Variants in MAGI2 observed in about 807,000 individuals in gnomAD.
MAGI2 encodes the protein membrane associated guanylate kinase, WW and PDZ domain containing 2.
A neutral mutation model predicts 133.3 loss-of-function variants in MAGI2; 35 were observed. The ratio of observed to expected loss-of-function variants is 0.26; its 90% confidence interval spans 0.20 to 0.35. MAGI2 has a LOEUF of 0.35. Among genes scored for constraint, MAGI2 ranks in the 10% least tolerant of loss-of-function variants. The probability of loss-of-function intolerance (pLI) is 1.00; values close to 1 mark genes in which losing one functional copy is unlikely to be tolerated. For synonymous variants in MAGI2, 729 were observed against 710.6 expected (o/e 1.03, Z -0.41); for missense variants, 1,636 against 1,863.4 (o/e 0.88, Z 2.25).
chr7:78,259,923 T>C (rs922836289), intron 9 of MAGI2, among the ~76,000 whole-genome samples: 2 of 152,202 alleles, frequency 1.3e-5, no homozygotes, highest in Non-Finnish European at 2.9e-5. Flanking sequence ...GAACTATTTG[T>C]GTTTCTTAGT....
chr7:78,650,634 A>C (rs549865117), intron 2 of MAGI2, among the ~76,000 whole-genome samples: 1 of 149,074 alleles, frequency 6.7e-6, no homozygotes, highest in South Asian at 2.2e-4. Context: ...TTTTGTTAGG[A>C]AATTTATTTT....
intron 13 of MAGI2, 34 bp from the exon 14 acceptor site, chr7:78,178,136 C>T (rs1826837312): frequency 7.3e-7 from 1 of 1,362,660 alleles, no homozygotes; most frequent in Non-Finnish European, 1.1e-6. Flanking sequence ...AGTAATGAAT[C>T]CTGCCTCTTT....
At chr7:79,451,634 T>C (rs1415489331) in intron 1 of MAGI2, among the ~76,000 whole-genome samples, 2 of 152,254 alleles carry the variant, frequency 1.3e-5, no homozygotes, top group South Asian at 2.1e-4. Flanking sequence ...TACTTCTTTT[T>C]ATCTTGTTTA....
intron 2 of MAGI2, among the ~76,000 whole-genome samples, chr7:78,846,697 G>A (rs1792643025): frequency 6.6e-6 from 1 of 151,888 alleles, no homozygotes; most frequent in Non-Finnish European, 1.5e-5. Flanking sequence ...CGATAACTCT[G>A]CAAAAACGAA....
intron 6 of MAGI2, among the ~76,000 whole-genome samples, chr7:78,436,610 A>T (rs1004562055): frequency 6.6e-6 from 1 of 152,194 alleles, no homozygotes; most frequent in Non-Finnish European, 1.5e-5. Context: ...CCCACTTTAC[A>T]TGATTTCATC....
At chr7:78,594,833 A>G (rs1486163141) in intron 3 of MAGI2, among the ~76,000 whole-genome samples, 1 of 152,162 alleles carries the variant, frequency 6.6e-6, no homozygotes, top group Non-Finnish European at 1.5e-5. Flanking sequence ...CCAAACCTCC[A>G]TAATTTAGTA....
chr7:79,229,996 T>C (rs1170816048), intron 1 of MAGI2, among the ~76,000 whole-genome samples: 3 of 132,558 alleles, frequency 2.3e-5, no homozygotes, highest in Non-Finnish European at 4.7e-5. Context: ...CCTGTGTCCA[T>C]GTGATCTCAT....
chr7:78,087,401 G>A (rs1816752456), intron 20 of MAGI2, among the ~76,000 whole-genome samples: 1 of 152,150 alleles, frequency 6.6e-6, no homozygotes, highest in Admixed American at 6.5e-5. Context: ...TATATGGGAA[G>A]TGCATTGTAA....
intron 2 of MAGI2, among the ~76,000 whole-genome samples, chr7:78,864,617 CT>C (rs1794407555): frequency 1.3e-5 from 2 of 152,142 alleles, no homozygotes; most frequent in African/African-American, 2.4e-5. Flanking sequence ...GCTCAGAAAA[CT>C]TTAATAACAG....
At chr7:79,107,861 T>C (rs1036448344) in intron 1 of MAGI2, among the ~76,000 whole-genome samples, 5 of 152,350 alleles carry the variant, frequency 3.3e-5, no homozygotes, top group African/African-American at 1.2e-4. Context: ...CATTAGTTAT[T>C]ATATTCTATT....
At chr7:79,407,747 A>C (rs1056939300) in intron 1 of MAGI2, among the ~76,000 whole-genome samples, 8 of 152,150 alleles carry the variant, frequency 5.3e-5, no homozygotes, top group African/African-American at 1.9e-4. Context: ...AACTTCAAAT[A>C]GACCTAAAAT....
At chr7:78,212,288 G>T (rs1364411702) in intron 10 of MAGI2, among the ~76,000 whole-genome samples, 3 of 152,114 alleles carry the variant, frequency 2.0e-5, no homozygotes, top group African/African-American at 7.2e-5. Flanking sequence ...CAAGGCAAAA[G>T]ATAATTTGCA....
At chr7:78,052,052 G>A (rs950356628) in intron 21 of MAGI2, among the ~76,000 whole-genome samples, 3 of 152,044 alleles carry the variant, frequency 2.0e-5, no homozygotes, top group African/African-American at 7.2e-5. Context: ...TGTATATTTT[G>A]TGGAGATGGA....
intron 3 of MAGI2, among the ~76,000 whole-genome samples, chr7:78,526,739 G>A (rs62468580): frequency 0.072 from 10,898 of 152,102 alleles, 496 homozygotes; most frequent in Non-Finnish European, 0.11. Context: ...GCCGGGTGCC[G>A]TGGCTCACGC....
chr7:79,168,918 A>ATATATC (rs1825239974), intron 1 of MAGI2, among the ~76,000 whole-genome samples: 8 of 40,790 alleles, frequency 2.0e-4, no homozygotes, highest in African/African-American at 5.4e-4. Flanking sequence ...ATATATATAT[A>ATATATC]TATATATATA....
intron 3 of MAGI2, among the ~76,000 whole-genome samples, chr7:78,526,039 G>A (rs993843194): frequency 6.6e-6 from 1 of 152,192 alleles, no homozygotes; most frequent in Non-Finnish European, 1.5e-5. Context: ...AAGTCATTCT[G>A]CCTATGCAGT....
At chr7:78,093,305 A>T (rs1817405567) in intron 20 of MAGI2, among the ~76,000 whole-genome samples, 3 of 151,032 alleles carry the variant, frequency 2.0e-5, no homozygotes, top group African/African-American at 7.3e-5. Flanking sequence ...TAAAAATGTA[A>T]AAAAAAATCA....
chr7:78,953,581 A>C (rs1802043822), intron 2 of MAGI2, among the ~76,000 whole-genome samples: 1 of 152,182 alleles, frequency 6.6e-6, no homozygotes, highest in African/African-American at 2.4e-5. Flanking sequence ...CAGTAGTTTA[A>C]ATTGTGAATT....
intron 6 of MAGI2, among the ~76,000 whole-genome samples, chr7:78,468,429 T>C (rs1369908023): frequency 3.9e-5 from 6 of 152,214 alleles, no homozygotes; most frequent in South Asian, 4.1e-4. Flanking sequence ...TCTATGTGTG[T>C]ATATCAAATA....
Sources: allele counts gnomAD v4.1 joint callset (sites outside exome capture counted in the v4.1 genomes callset), GRCh38; gene constraint gnomAD v4.1.1; transcripts MANE v1.5; gene names NCBI Gene and HGNC (gene_info 2026-07-23, HGNC 2026-07-21).